The following GAL3ST2 variants were observed in gnomAD, a reference collection of about 807,000 sequenced individuals.
GAL3ST2 encodes the protein beta-galactose-3-O-sulfotransferase 2.
GAL3ST2 carries 16 observed loss-of-function variants against 12.9 expected under a neutral mutation model. That is an observed-to-expected ratio of 1.24 (90% CI 0.84 to 1.88). The LOEUF (loss-of-function observed/expected upper bound fraction) is 1.88. GAL3ST2 is among the 40% of genes most tolerant of loss of function. GAL3ST2 has a pLI of 0.00. For synonymous variants in GAL3ST2, 302 were observed against 273.9 expected (o/e 1.10, Z -1.01); for missense variants, 639 against 571.8 (o/e 1.12, Z -1.20).
At chr2:241,788,011 TAAA>T (rs1314324652) in intron 1 of GAL3ST2, among the ~76,000 whole-genome samples, 5 of 152,166 alleles carry the variant, frequency 3.3e-5, no homozygotes, top group Admixed American at 3.3e-4. Flanking sequence ...CTTTCTGTCT[TAAA>T]AAAGCAATTG....
chr2:241,801,042 C>T lies in GAL3ST2; in HGVS notation c.120-739C>T, dbSNP rs1699836607. 1 of 152,154 alleles carries T rather than the reference C, an allele frequency of 6.6e-6. No individual in the cohort carries two copies. The highest frequency in any genetic ancestry group is 2.4e-5 in the African/African-American group (1 of 41,410). The allele number at this position is 152,154 out of a possible 1,614,324, so 9.4% of individuals were successfully genotyped here. ...ACACGTGCCACGGTAGTTTACTGCA[C>T]CTATTAGCCCGTCATCTAGGTTTCA... On this transcript the variant is annotated intron_variant, in intron 2 of 3. Coordinates refer to ENST00000192314, the MANE Select transcript of GAL3ST2 (RefSeq NM_022134.3). The surrounding 1 kb of genome is among the most constrained non-coding windows in gnomAD (Gnocchi z 4.4).
At chr2:241,782,114 G>C (rs1460671940) in intron 1 of GAL3ST2, among the ~76,000 whole-genome samples, 1 of 152,170 alleles carries the variant, frequency 6.6e-6, no homozygotes, top group Non-Finnish European at 1.5e-5. Context: ...TTTAGGAGTT[G>C]GTTGATGCTT....
At chr2:241,799,181 T>C (rs368401939) in intron 2 of GAL3ST2, 27 bp downstream of exon 2, 114 of 1,598,854 alleles carry the variant, frequency 7.1e-5, no homozygotes, top group Admixed American at 1.0e-4. Flanking sequence ...CCATAAGTCC[T>C]GCCCCGGGTA....
At position 241,800,278 on chromosome 2, in the gene GAL3ST2, G is replaced by T. The variant is rs1559418006; in HGVS notation, c.119+1124G>T. Among the ~76,000 whole-genome samples the T allele has an allele frequency of 1.3e-5, 2 of 150,276 alleles. No homozygotes were observed. Among genetic ancestry groups the T allele is most frequent in the Admixed American group, 6.6e-5 (1 of 15,166 alleles). ...GAGGACACTTTGTTTCTTAAAAAGT[G>T]TGGACATCCCACAGGCTGGGAGCAC... On this transcript the variant is annotated intron_variant, in intron 2 of 3. Transcript: ENST00000192314. This position sits in a 1 kb window ranked among gnomAD's most constrained non-coding sequence, Gnocchi z 5.2.
Position 241,795,683 on chromosome 2 carries a change from A to G in GAL3ST2, c.30-3382A>G, listed in dbSNP as rs759579043. 2.0e-5 allele frequency among the ~76,000 whole-genome samples: 3 copies of G among 152,354 alleles called. No individual in the cohort carries two copies. The highest frequency in any genetic ancestry group is 3.4e-3 in the Middle Eastern group (1 of 294). On this transcript the variant is annotated intron_variant, in intron 1 of 3. Coordinates refer to ENST00000192314, the MANE Select transcript of GAL3ST2 (RefSeq NM_022134.3). The surrounding 1 kb of genome is among the most constrained non-coding windows in gnomAD (Gnocchi z 4.5). ...TTGGGAAGTCCGCAGAAGTGGCCCA[A>G]TGGCAGAGCAGGAGCTCCGCTCTCA...
At chr2:241,797,850 A>G (rs1264391795) in intron 1 of GAL3ST2, among the ~76,000 whole-genome samples, 2 of 152,046 alleles carry the variant, frequency 1.3e-5, no homozygotes, top group African/African-American at 4.8e-5. Context: ...GCTCCTATGT[A>G]CCCTGTAAAG....
In GAL3ST2 at chr2:241,804,032, CGGCCG is replaced by C. The variant is rs552171019; in HGVS notation, c.1068_1072del (p.Leu358GlnfsTer14). On this transcript the variant is annotated frameshift_variant, in exon 4 of 4. Transcript: ENST00000192314. LOFTEE classifies it low-confidence loss of function (END_TRUNC). Reference sequence around the variant, plus strand: ...GGCCGACATCCTGGGTTACAACCTCCGGCCGGGCCTGGACAACCAGACGCTGGGCG... The same window carrying C: ...GGCCGACATCCTGGGTTACAACCTCCGGCCTGGACAACCAGACGCTGGGCG... The C allele has an allele frequency of 3.6e-5, 56 of 1,563,656 alleles. 2 individuals are homozygous for C. In the South Asian group the frequency reaches 4.5e-4, roughly 13 times the overall value.
chr2:241,779,986 CA>C (rs375396600), intron 1 of GAL3ST2, among the ~76,000 whole-genome samples: 3,229 of 122,986 alleles, frequency 0.026, 172 homozygotes, highest in Admixed American at 0.13. Flanking sequence ...AATCCCGTCT[CA>C]AAAAAAAAAA....
chr2:241,798,173 G>T (rs574704492), intron 1 of GAL3ST2, among the ~76,000 whole-genome samples: 1 of 152,278 alleles, frequency 6.6e-6, no homozygotes, highest in South Asian at 2.1e-4. Flanking sequence ...CCCTGATCTG[G>T]CTGCACCTGC....
chr2:241,784,159 G>A (rs1280594132), intron 1 of GAL3ST2, among the ~76,000 whole-genome samples: 1 of 150,972 alleles, frequency 6.6e-6, no homozygotes, highest in Non-Finnish European at 1.5e-5. Flanking sequence ...TCAGCCTCCC[G>A]AGTAGCTGGG....
intron 1 of GAL3ST2, among the ~76,000 whole-genome samples, chr2:241,778,361 G>A (rs939629740): frequency 3.3e-5 from 5 of 152,248 alleles, no homozygotes; most frequent in East Asian, 1.9e-4. Context: ...CTTTGCCTGC[G>A]CTAGTGAGGC....
rs1263109959 is a variant in GAL3ST2 at position 241,793,720 on chromosome 2, ATG to A, written c.30-5339_30-5338del. 6.6e-6 allele frequency among the ~76,000 whole-genome samples: 1 copy of A among 150,504 alleles called. No homozygotes were observed. Among genetic ancestry groups the A allele is most frequent in the African/African-American group, 2.5e-5 (1 of 40,782 alleles). On this transcript the variant is annotated intron_variant, in intron 1 of 3. Transcript: ENST00000192314. This position sits in a 1 kb window ranked among gnomAD's most constrained non-coding sequence, Gnocchi z 4.7. Reference sequence around the variant, plus strand: ...ATGTGTATGTACGTATTGTGTATGCATGTGTGTATGTGTGTATATGTATGTGT... The same window carrying A: ...ATGTGTATGTACGTATTGTGTATGCATGTGTATGTGTGTATATGTATGTGT...
chr2:241,789,112 T>C (rs1377537317), intron 1 of GAL3ST2, among the ~76,000 whole-genome samples: 1 of 152,160 alleles, frequency 6.6e-6, no homozygotes, highest in African/African-American at 2.4e-5. Context: ...CCCAAACCAA[T>C]AGAGTTCTTA....
chr2:241,802,106 G>A lies in GAL3ST2; in HGVS notation c.375+70G>A. On this transcript the variant is annotated intron_variant, in intron 3 of 3. Transcript: ENST00000192314. The surrounding 1 kb of genome is among the most constrained non-coding windows in gnomAD (Gnocchi z 4.8). ...TGTGGCTGTGGGTCTGGGTGGTGTA[G>A]CCTGGAGGCTGGAGAGAAGGAGTGT... 1 of 1,514,032 alleles carries A rather than the reference G, an allele frequency of 6.6e-7. No individual in the cohort carries two copies. Among genetic ancestry groups the A allele is most frequent in the East Asian group, 2.4e-5 (1 of 41,164 alleles). 93.8% of individuals were successfully genotyped at this position (1,514,032 alleles called of 1,614,324 possible). A position where few individuals can be genotyped will look rare whatever the true frequency, so the allele number is the denominator to read the frequency against.
At chr2:241,789,209 C>T (rs1699667599) in intron 1 of GAL3ST2, among the ~76,000 whole-genome samples, 1 of 152,156 alleles carries the variant, frequency 6.6e-6, no homozygotes, top group Admixed American at 6.5e-5. Flanking sequence ...TTCGATCTAG[C>T]AGGTCTTTTT....
rs760164900 is a variant in GAL3ST2 at position 241,799,162 on chromosome 2, C to G, written c.119+8C>G. 4.3e-6 allele frequency: 7 copies of G among 1,612,504 alleles called. No homozygotes were observed. Among genetic ancestry groups the G allele is most frequent in the Non-Finnish European group, 5.1e-6 (6 of 1,179,054 alleles). On this transcript the variant is annotated splice_region_variant and intron_variant, in intron 2 of 3. Transcript: ENST00000192314. ...CTTAGAGCTGGACACACCGTAAGTC[C>G]TGCCCCCACCATAAGTCCTGCCCCG...
At position 241,803,873 on chromosome 2, in the gene GAL3ST2, C is replaced by A; in HGVS notation, c.904C>A (p.Arg302=). The stretch of plus-strand genomic sequence containing the variant: ...GCTGCGCGCCGAGCTGGGGCCGCGG[C>A]GGCTGCGCGGGGAGGTGGAGCGGCT... The part of the protein sequence containing the change: ...AQLRAELGPR[R]LRGEVERLRA... The change falls in exon 4 of 4, where the codon CGG becomes AGG. Residue 302 remains arginine (R), a synonymous_variant. Transcript: ENST00000192314. The A allele has an allele frequency of 1.4e-6, 2 of 1,422,322 alleles. No homozygotes were observed. Among genetic ancestry groups the A allele is most frequent in the South Asian group, 1.6e-5 (1 of 63,498 alleles). 88.1% of individuals were successfully genotyped at this position (1,422,322 alleles called of 1,614,324 possible).
In GAL3ST2 at chr2:241,801,356, C is replaced by CATTAAA; in HGVS notation, c.120-425_120-424insATTAAA. 1 of 188,390 alleles carries CATTAAA rather than the reference C, an allele frequency of 5.3e-6. No homozygotes were observed. The highest frequency in any genetic ancestry group is 1.1e-5 in the Non-Finnish European group (1 of 91,808). 11.7% of individuals were successfully genotyped at this position (188,390 alleles called of 1,614,324 possible). On this transcript the variant is annotated intron_variant, in intron 2 of 3. Transcript: ENST00000192314. The surrounding 1 kb of genome is among the most constrained non-coding windows in gnomAD (Gnocchi z 4.4). ...ATGTGCCACATTTTCTTTACGGTCT[C>CATTAAA]TATGTAACATTCACACCCGGCAGCT...
rs1335256092 is a variant in GAL3ST2 at position 241,800,970 on chromosome 2, A to G, written c.120-811A>G. 2 of 152,152 alleles carry G rather than the reference A, an allele frequency of 1.3e-5. No individual in the cohort carries two copies. The highest frequency in any genetic ancestry group is 2.9e-5 in the Non-Finnish European group (2 of 68,040). The allele number at this position is 152,152 out of a possible 1,614,324, so 9.4% of individuals were successfully genotyped here. On this transcript the variant is annotated intron_variant, in intron 2 of 3. Transcript: ENST00000192314. This position sits in a 1 kb window ranked among gnomAD's most constrained non-coding sequence, Gnocchi z 5.2. The stretch of plus-strand genomic sequence containing the variant: ...TTTAATTTTTAAAAAATTTACTTTA[A>G]GTTCTGGGACACACGTGCAGAACGT...
Sources: allele counts gnomAD v4.1 joint callset (sites outside exome capture counted in the v4.1 genomes callset), GRCh38; gene constraint gnomAD v4.1.1; non-coding constraint Gnocchi (gnomAD v3.1); transcripts MANE v1.5; gene names NCBI Gene and HGNC (gene_info 2026-07-23, HGNC 2026-07-21).